SCN4A: variants seen among roughly 807,000 people sequenced by gnomAD.
SCN4A encodes sodium voltage-gated channel alpha subunit 4.
Under a neutral mutation model 162.0 loss-of-function variants are expected in SCN4A, and 83 were observed. The ratio of observed to expected loss-of-function variants is 0.51; its 90% CI spans 0.43 to 0.61. The LOEUF is 0.61. Among genes scored for constraint, SCN4A ranks in the 20% least tolerant of loss-of-function variants. The pLI, the probability that SCN4A is intolerant of heterozygous loss-of-function variation, is 0.00. For missense variants in SCN4A, 2,196 were observed against 2,462.5 expected (o/e 0.89, Z 2.29); for synonymous variants, 944 against 985.1 (o/e 0.96, Z 0.78).
chr17:63,972,350 A>G lies in SCN4A; in HGVS notation c.392+2T>C. 6.2e-7 allele frequency: 1 copy of G among 1,613,042 alleles called. No individual in the cohort carries two copies. Among genetic ancestry groups the G allele is most frequent in the Non-Finnish European group, 8.5e-7 (1 of 1,179,166 alleles). On this transcript the variant is annotated splice_donor_variant, in intron 2 of 23. Coordinates refer to ENST00000435607, the MANE Select transcript of SCN4A (RefSeq NM_000334.4). LOFTEE classifies it high-confidence loss of function. This position sits in a 1 kb window ranked among gnomAD's most constrained non-coding sequence, Gnocchi z 4.3. ...CCGCCTCTCCCATCTTGGGCAGGATATGCATGGATGAGCACCTTGATGGCC... is the reference window on the plus strand; with the variant it reads ...CCGCCTCTCCCATCTTGGGCAGGATGTGCATGGATGAGCACCTTGATGGCC...
Position 63,945,463 on chromosome 17 carries a change from T to C in SCN4A, c.3617A>G (p.Lys1206Arg). The stretch of plus-strand genomic sequence containing the variant: ...GTGCATGAGGCTCTCGCACTCAGAC[T>C]TGTTGTTGACCTCGGAGATGTCGAA... ...ERFDISEVNN[K>R]SECESLMHTG... is the part of the protein sequence containing the mutation. The change falls in exon 19 of 24, where the codon AAG becomes AGG. Residue 1206 changes from lysine (K) to arginine (R), a missense_variant. Lys to Arg is a conservative substitution (Grantham distance 26). Transcript: ENST00000435607. The surrounding 1 kb of genome is among the most constrained non-coding windows in gnomAD (Gnocchi z 4.4). 1 of 1,613,956 alleles carries C rather than the reference T, an allele frequency of 6.2e-7. No individual in the cohort carries two copies. Among genetic ancestry groups the C allele is most frequent in the Middle Eastern group, 1.6e-4 (1 of 6,062 alleles).
At chr17:63,949,356 G>A (rs373738624) in intron 15 of SCN4A, 37 bp downstream of exon 15, 3 of 1,542,958 alleles carry the variant, frequency 1.9e-6, no homozygotes, top group Non-Finnish European at 2.6e-6. Context: ...CTGCAGGCCT[G>A]GGGGAGACAC....
intron 10 of SCN4A, among the ~76,000 whole-genome samples, chr17:63,962,235 C>T (rs1444436519): frequency 1.3e-5 from 2 of 152,212 alleles, no homozygotes; most frequent in Non-Finnish European, 2.9e-5. Context: ...GGCTTGGGTT[C>T]CAGCCCCATG....
chr17:63,945,309 TG>T lies in SCN4A; in HGVS notation c.3720+50del. On this transcript the variant is annotated intron_variant, in intron 19 of 23. Coordinates refer to ENST00000435607, the MANE Select transcript of SCN4A (RefSeq NM_000334.4). The surrounding 1 kb of genome is among the most constrained non-coding windows in gnomAD (Gnocchi z 4.4). ...GTTGGGTACAACGAGAGGACCGGGG[TG>T]GGGGGCACCTCCATCCAGGTTCCCG... is the stretch of plus-strand genomic sequence containing the variant. 4.0e-6 allele frequency: 6 copies of T among 1,508,982 alleles called. No homozygotes were observed. Among genetic ancestry groups the T allele is most frequent in the Non-Finnish European group, 5.5e-6 (6 of 1,097,754 alleles). The allele number at this position is 1,508,982 out of a possible 1,614,324, so 93.5% of individuals were successfully genotyped here.
In SCN4A at chr17:63,972,623, C is replaced by T. The variant is rs779890709; in HGVS notation, c.219G>A (p.Pro73=). 2.4e-5 allele frequency: 39 copies of T among 1,607,444 alleles called. No homozygotes were observed. The highest frequency in any genetic ancestry group is 1.6e-4 in the Middle Eastern group (1 of 6,080). Residue 73 remains proline (P), a synonymous_variant, in exon 1 of 24, where the codon CCG becomes CCA. Coordinates refer to ENST00000435607, the MANE Select transcript of SCN4A (RefSeq NM_000334.4). The surrounding 1 kb of genome is among the most constrained non-coding windows in gnomAD (Gnocchi z 4.3). ...CCTCCAGGGGGATGCCGATGACCTC[C>T]GGCGGGGGGTCTCCGTAGATCATGG... ...NLPMIYGDPP[P]EVIGIPLEDL... is the part of the protein sequence containing the mutation.
intron 12 of SCN4A, among the ~76,000 whole-genome samples, 187 bp from the exon 13 acceptor site, chr17:63,957,705 A>T (rs1471457840): frequency 6.6e-6 from 1 of 152,150 alleles, no homozygotes; most frequent in Non-Finnish European, 1.5e-5. Flanking sequence ...TCATGTGTTA[A>T]AAAGAAAACA....
rs900151803 is a variant in SCN4A at position 63,950,580 on chromosome 17, G to A, written c.2853+844C>T. On this transcript the variant is annotated intron_variant, in intron 14 of 23. Coordinates refer to ENST00000435607, the MANE Select transcript of SCN4A (RefSeq NM_000334.4). The surrounding 1 kb of genome is among the most constrained non-coding windows in gnomAD (Gnocchi z 4.6). ...CGCTTCCTGGTAAGCCAGCATATTT[G>A]GGGGGAATAAGGAGTCAAAAGCTTT... 2.6e-5 allele frequency among the ~76,000 whole-genome samples: 4 copies of A among 152,150 alleles called. No individual in the cohort carries two copies. The highest frequency in any genetic ancestry group is 3.2e-3 in the Middle Eastern group (1 of 316).
chr17:63,945,648 A>AG lies in SCN4A; in HGVS notation c.3442-11dup. ...GGGCGTTCACCACCACCTGGGGGCC[A>AG]GGGGGTCCATTGCCAGTGCCTCTCC... On this transcript the variant is annotated splice_polypyrimidine_tract_variant and intron_variant, in intron 18 of 23. Transcript: ENST00000435607. This position sits in a 1 kb window ranked among gnomAD's most constrained non-coding sequence, Gnocchi z 4.4. 1 of 1,613,642 alleles carries AG rather than the reference A, an allele frequency of 6.2e-7. No homozygotes were observed. The highest frequency in any genetic ancestry group is 1.1e-5 in the South Asian group (1 of 91,082).
In SCN4A at chr17:63,945,168, G is replaced by T; in HGVS notation, c.3721-108C>A. 2 of 1,189,994 alleles carry T rather than the reference G, an allele frequency of 1.7e-6. No homozygotes were observed. Among genetic ancestry groups the T allele is most frequent in the Non-Finnish European group, 2.4e-6 (2 of 819,550 alleles). The allele number at this position is 1,189,994 out of a possible 1,614,324, so 73.7% of individuals were successfully genotyped here. On this transcript the variant is annotated intron_variant, in intron 19 of 23. Coordinates refer to ENST00000435607, the MANE Select transcript of SCN4A (RefSeq NM_000334.4). The surrounding 1 kb of genome is among the most constrained non-coding windows in gnomAD (Gnocchi z 4.4). Reference sequence around the variant, plus strand: ...GGTCCTCCCCTGCCAGAGGCCGCCTGCCAGAGCCCCACTGGGCTAGCATCA... The same window carrying T: ...GGTCCTCCCCTGCCAGAGGCCGCCTTCCAGAGCCCCACTGGGCTAGCATCA...
chr17:63,946,215 G>C (rs1908710790), intron 18 of SCN4A, among the ~76,000 whole-genome samples: 1 of 152,190 alleles, frequency 6.6e-6, no homozygotes, highest in African/African-American at 2.4e-5. Context: ...GGTGTGCCCA[G>C]GGGAGCTCTG....
Position 63,940,739 on chromosome 17 carries a change from C to G in SCN4A, c.*32G>C. ...CACGGGGGAGCTCTGGGGACTATGC[C>G]GAGACTCAGTGGGCCACCCCGATGC... On this transcript the variant is annotated 3_prime_UTR_variant, in exon 24 of 24. Transcript: ENST00000435607. 1.3e-6 allele frequency: 2 copies of G among 1,530,302 alleles called. No individual in the cohort carries two copies. Among genetic ancestry groups the G allele is most frequent in the Non-Finnish European group, 1.8e-6 (2 of 1,138,532 alleles). 94.8% of individuals were successfully genotyped at this position (1,530,302 alleles called of 1,614,324 possible).
intron 12 of SCN4A, among the ~76,000 whole-genome samples, chr17:63,957,741 C>T (rs961669714): frequency 3.9e-5 from 6 of 152,254 alleles, no homozygotes; most frequent in Middle Eastern, 3.4e-3. Flanking sequence ...CGGTGGCTCA[C>T]GCCTGTAATC....
intron 11 of SCN4A, 111 bp from the exon 12 acceptor site, chr17:63,959,549 G>A (rs947438154): frequency 2.9e-5 from 29 of 990,738 alleles, no homozygotes; most frequent in Non-Finnish European, 4.2e-5. Context: ...GAGGGGAAGG[G>A]GTCCAGAGCC....
In SCN4A at chr17:63,968,244, A is replaced by T; in HGVS notation, c.815T>A (p.Phe272Tyr). 2 of 1,614,128 alleles carry T rather than the reference A, an allele frequency of 1.2e-6. No homozygotes were observed. Among genetic ancestry groups the T allele is most frequent in the Non-Finnish European group, 1.7e-6 (2 of 1,179,990 alleles). The change falls in exon 6 of 24, where the codon TTC (phenylalanine) becomes TAC (tyrosine). Residue 272 changes from phenylalanine to tyrosine, a missense_variant. Transcript: ENST00000435607. ...SVFALVGLQLFMGNLRQKCVR... is the reference protein window; with the variant it reads ...SVFALVGLQLYMGNLRQKCVR... ...ACACTTCTGCCTCAGGTTTCCCATG[A>T]AGAGCTGCAGTCCTACCAGCGCAAA...
intron 4 of SCN4A, among the ~76,000 whole-genome samples, chr17:63,971,499 A>T (rs1909608497): frequency 6.6e-6 from 1 of 152,130 alleles, no homozygotes; most frequent in African/African-American, 2.4e-5. Flanking sequence ...GTGAGGACCC[A>T]TGGGTCTGTG....
chr17:63,957,319 G>T lies in SCN4A; in HGVS notation c.2219C>A (p.Pro740Gln). 1 of 1,614,132 alleles carries T rather than the reference G, an allele frequency of 6.2e-7. No homozygotes were observed. The highest frequency in any genetic ancestry group is 2.2e-5 in the East Asian group (1 of 44,880). Residue 740 changes from proline to glutamine, a missense_variant, in exon 13 of 24, where the codon CCG (proline) becomes CAG (glutamine). Coordinates refer to ENST00000435607, the MANE Select transcript of SCN4A (RefSeq NM_000334.4). ...GAAGAAATCATGCATGTGCCAGCGC[G>T]GCAGGTTGCAGTCCAAGGCAATCTT... ...VCKIALDCNLPRWHMHDFFHS... is the reference protein window; with the variant it reads ...VCKIALDCNLQRWHMHDFFHS...
Position 63,941,247 on chromosome 17 carries a change from T to C in SCN4A, c.5035A>G (p.Ile1679Val). 1.9e-6 allele frequency: 3 copies of C among 1,613,776 alleles called. No homozygotes were observed. Among genetic ancestry groups the C allele is most frequent in the Non-Finnish European group, 2.5e-6 (3 of 1,179,830 alleles). The change falls in exon 24 of 24, where the codon ATC becomes GTC. Residue 1679 changes from isoleucine to valine, a missense_variant. Physicochemically the swap from Ile to Val is conservative, Grantham distance 29. Coordinates refer to ENST00000435607, the MANE Select transcript of SCN4A (RefSeq NM_000334.4). This position sits in a 1 kb window ranked among gnomAD's most constrained non-coding sequence, Gnocchi z 6.2. The part of the protein sequence containing the change: ...VPGDKIHCLD[I>V]LFALTKEVLG... ...ACCTCTTTGGTCAGGGCAAAGAGGA[T>C]GTCCAGGCAGTGGATCTTGTCCCCT...
chr17:63,940,644 T>C lies in SCN4A; in HGVS notation c.*127A>G. The C allele has an allele frequency of 1.6e-6, 2 of 1,223,884 alleles. No homozygotes were observed. Among genetic ancestry groups the C allele is most frequent in the Non-Finnish European group, 2.2e-6 (2 of 900,208 alleles). 75.8% of individuals were successfully genotyped at this position (1,223,884 alleles called of 1,614,324 possible). ...TGTCAGCCCCAGTGTGGCCAAATCC[T>C]GTCCCCCATCAGGGAGCCAGGCACA... On this transcript the variant is annotated 3_prime_UTR_variant, in exon 24 of 24. Transcript: ENST00000435607.
At position 63,944,634 on chromosome 17, in the gene SCN4A, C is replaced by T; in HGVS notation, c.3912+39G>A. On this transcript the variant is annotated intron_variant, in intron 21 of 23. Coordinates refer to ENST00000435607, the MANE Select transcript of SCN4A (RefSeq NM_000334.4). This position sits in a 1 kb window ranked among gnomAD's most constrained non-coding sequence, Gnocchi z 4.3. ...GGACAAAGGAGGCAGGAGGGAGGCC[C>T]AGCACCGGGAGGGCCCGAGGGGCTG... The T allele has an allele frequency of 6.4e-7, 1 of 1,570,050 alleles. No individual in the cohort carries two copies. The highest frequency in any genetic ancestry group is 8.6e-7 in the Non-Finnish European group (1 of 1,156,612).
Sources: allele counts gnomAD v4.1 joint callset (sites outside exome capture counted in the v4.1 genomes callset), GRCh38; gene constraint gnomAD v4.1.1; non-coding constraint Gnocchi (gnomAD v3.1); transcripts MANE v1.5; gene names NCBI Gene and HGNC (gene_info 2026-07-23, HGNC 2026-07-21).